The following AP1G1 variants were observed in gnomAD, a reference collection of about 807,000 sequenced individuals.
The protein encoded by AP1G1 is AP-1 complex subunit gamma-1.
A neutral mutation model predicts 108.3 loss-of-function variants in AP1G1; 7 were observed. The ratio of observed to expected loss-of-function variants is 0.06; its 90% CI spans 0.04 to 0.12. The LOEUF is 0.12. Among genes scored for constraint, AP1G1 ranks in the 10% least tolerant of loss-of-function variants. AP1G1 has a pLI of 1.00. For missense variants in AP1G1, 756 were observed against 1,010.7 expected (o/e 0.75, Z 3.42); for synonymous variants, 379 against 353.5 (o/e 1.07, Z -0.81).
rs1009254006 is a variant in AP1G1, at chr16:71,729,773, G to C, written c.*3285C>G. 6.6e-6 allele frequency: 1 copy of C among 152,558 alleles called. No homozygotes were observed. The allele number at this position is 152,558 out of a possible 1,614,324, so 9.5% of individuals were successfully genotyped here. A position where few individuals can be genotyped will look rare whatever the true frequency, so the allele number is the denominator to read the frequency against. On this transcript the variant is annotated 3_prime_UTR_variant, in exon 23 of 23. Coordinates refer to ENST00000299980, the MANE Select transcript of AP1G1 (RefSeq NM_001128.6). ...CCACTCTCCCAACTACAAAGTTCAT[G>C]AACACCCACTTTTTCCTCTCTAGTT...
At chr16:71,768,695 C>T (rs1189473759) in intron 6 of AP1G1, among the ~76,000 whole-genome samples, 1 of 149,896 alleles carries the variant, frequency 6.7e-6, no homozygotes, top group Non-Finnish European at 1.5e-5. Flanking sequence ...GCGGGTGGAT[C>T]ACGAGGTCAG....
Position 71,796,668 on chromosome 16 carries a change from T to C in AP1G1, c.-3-7186A>G, listed in dbSNP as rs559691423. On this transcript the variant is annotated intron_variant, in intron 1 of 22. Coordinates refer to ENST00000299980, the MANE Select transcript of AP1G1 (RefSeq NM_001128.6). Reference sequence around the variant, plus strand: ...ATAGGCTGTGGAATGTAGGATCACATTGAGATACCACCCCACCCTGTCTAG... The same window carrying C: ...ATAGGCTGTGGAATGTAGGATCACACTGAGATACCACCCCACCCTGTCTAG... Among the ~76,000 whole-genome samples, 3 of 152,300 alleles carry C rather than the reference T, an allele frequency of 2.0e-5. No individual in the cohort carries two copies. The South Asian group carries it at 6.2e-4, about 32-fold the overall frequency.
intron 17 of AP1G1, among the ~76,000 whole-genome samples, chr16:71,746,081 C>T (rs2030161083): frequency 6.6e-6 from 1 of 151,990 alleles, no homozygotes; most frequent in South Asian, 2.1e-4. Context: ...ATGATCTTGG[C>T]TCACTGAAAC....
rs1388677436 is a variant in AP1G1 at position 71,780,606 on chromosome 16, GA to G, written c.202-6015del. On this transcript the variant is annotated intron_variant, in intron 2 of 22. Coordinates refer to ENST00000299980, the MANE Select transcript of AP1G1 (RefSeq NM_001128.6). ...TAACAGGCCTGCAACTGATTGGGTA[GA>G]CCTTTTTAAAAGTCACCTTTATTTA... Among the ~76,000 whole-genome samples the G allele has an allele frequency of 2.6e-5, 4 of 151,382 alleles. No individual in the cohort carries two copies. In the East Asian group the frequency reaches 7.7e-4, roughly 29 times the overall value.
In AP1G1 at chr16:71,730,756, A is replaced by G. The variant is rs1457496965; in HGVS notation, c.*2302T>C. On this transcript the variant is annotated 3_prime_UTR_variant, in exon 23 of 23. Transcript: ENST00000299980. The stretch of plus-strand genomic sequence containing the variant: ...TCCAAAATCAATTCATATTCTACGC[A>G]GCACCCTTTGTGTTAAGGCCATGAT... 2 of 152,612 alleles carry G rather than the reference A, an allele frequency of 1.3e-5. No individual in the cohort carries two copies. 9.5% of individuals were successfully genotyped at this position (152,612 alleles called of 1,614,324 possible).
chr16:71,791,607 C>A (rs1246204861), intron 1 of AP1G1, among the ~76,000 whole-genome samples: 2 of 150,540 alleles, frequency 1.3e-5, no homozygotes, highest in Non-Finnish European at 2.9e-5. Context: ...ATAGCCTGAG[C>A]CCTAGAGGCT....
At chr16:71,807,413 A>G (rs769105950) in intron 1 of AP1G1, among the ~76,000 whole-genome samples, 1 of 152,264 alleles carries the variant, frequency 6.6e-6, no homozygotes, top group Non-Finnish European at 1.5e-5. Flanking sequence ...GCCTGGAGAC[A>G]GAGGGAGACT....
chr16:71,773,451 A>C (rs2031650485), intron 3 of AP1G1, 89 bp from the exon 4 acceptor site: 2 of 1,273,962 alleles, frequency 1.6e-6, no homozygotes, highest in East Asian at 5.2e-5. Flanking sequence ...ATGACTCAAG[A>C]TTTCTCCAAT....
chr16:71,746,751 A>G, intron 16 of AP1G1, 59 bp from the exon 17 acceptor site: 1 of 1,334,116 alleles, frequency 7.5e-7, no homozygotes, highest in East Asian at 2.3e-5. Context: ...AAATAAGCAG[A>G]GATAATGTTT....
At chr16:71,781,117 C>G (rs146526913) in intron 2 of AP1G1, among the ~76,000 whole-genome samples, 133 of 152,236 alleles carry the variant, frequency 8.7e-4, no homozygotes, top group African/African-American at 2.9e-3. Flanking sequence ...CATACCCAAC[C>G]TATTTCTTTT....
intron 6 of AP1G1, chr16:71,766,500 T>A (rs377709385): frequency 4.0e-5 from 18 of 449,552 alleles, no homozygotes; most frequent in Non-Finnish European, 8.3e-5. Context: ...ATAGGAACTT[T>A]TTATGTTTCC....
In AP1G1 at chr16:71,794,835, C is replaced by CTTTTCTTTTTTTTTTTT. The variant is rs2032522793; in HGVS notation, c.-3-5354_-3-5353insAAAAAAAAAAAAGAAAA. On this transcript the variant is annotated intron_variant, in intron 1 of 22. Transcript: ENST00000299980. ...TACCATTCTCAGGCCATGAGAAGTG[C>CTTTTCTTTTTTTTTTTT]TTTTTTTTTTTTTTTTTTTTTTTTT... Among the ~76,000 whole-genome samples the CTTTTCTTTTTTTTTTTT allele has an allele frequency of 4.9e-3, 196 of 39,658 alleles. 16 individuals are homozygous for CTTTTCTTTTTTTTTTTT. The highest frequency in any genetic ancestry group is 0.02 in the African/African-American group (189 of 9,548). The allele number at this position is 39,658 out of a possible 152,430, so 26.0% of individuals were successfully genotyped here. A position where few individuals can be genotyped will look rare whatever the true frequency, so the allele number is the denominator to read the frequency against.
chr16:71,791,233 A>G (rs2145529450), intron 1 of AP1G1, among the ~76,000 whole-genome samples: 1 of 151,082 alleles, frequency 6.6e-6, no homozygotes, highest in African/African-American at 2.4e-5. Flanking sequence ...AACAAAAAAA[A>G]AAAACAAAAA....
chr16:71,749,675 G>A (rs2030381250), intron 15 of AP1G1, among the ~76,000 whole-genome samples: 1 of 152,048 alleles, frequency 6.6e-6, no homozygotes. Flanking sequence ...GTCTTTTGTA[G>A]AGACAGAGTT....
chr16:71,746,464 G>C (rs1200834570), intron 17 of AP1G1, 124 bp downstream of exon 17: 1 of 535,348 alleles, frequency 1.9e-6, no homozygotes, highest in East Asian at 3.1e-5. Flanking sequence ...CAAGCAATTA[G>C]AACTAAATAG....
intron 1 of AP1G1, among the ~76,000 whole-genome samples, chr16:71,797,883 T>C (rs2032642610): frequency 6.6e-6 from 1 of 152,160 alleles, no homozygotes; most frequent in South Asian, 2.1e-4. Flanking sequence ...ATTCTGGATA[T>C]ACAAGGAGAG....
At chr16:71,750,670 C>T (rs2030445659) in intron 13 of AP1G1, among the ~76,000 whole-genome samples, 1 of 151,662 alleles carries the variant, frequency 6.6e-6, no homozygotes, top group Admixed American at 6.6e-5. Context: ...CCTGCCTCGG[C>T]CTCTCAAAGT....
intron 6 of AP1G1, among the ~76,000 whole-genome samples, chr16:71,769,267 G>C (rs560861851): frequency 6.6e-6 from 1 of 151,310 alleles, no homozygotes; most frequent in South Asian, 2.1e-4. Flanking sequence ...TGGGCAAAAA[G>C]AGCAAAACTA....
In AP1G1 at chr16:71,758,692, T is replaced by C. The variant is rs562409058; in HGVS notation, c.1088+116A>G. 1.7e-5 allele frequency: 11 copies of C among 646,226 alleles called. No homozygotes were observed. In the East Asian group the frequency reaches 2.2e-4, roughly 13 times the overall value. The allele number at this position is 646,226 out of a possible 1,614,324, so 40.0% of individuals were successfully genotyped here. On this transcript the variant is annotated intron_variant, in intron 11 of 22. Coordinates refer to ENST00000299980, the MANE Select transcript of AP1G1 (RefSeq NM_001128.6). Reference sequence around the variant, plus strand: ...TGAACACAATGACTAAATACATAAATGTCAACACTCTTGCTCTGAAAACAA... The same window carrying C: ...TGAACACAATGACTAAATACATAAACGTCAACACTCTTGCTCTGAAAACAA...
Sources: gnomAD v4.1 joint callset for allele counts (sites outside exome capture counted in the v4.1 genomes callset) on GRCh38, gnomAD v4.1.1 for gene constraint, MANE v1.5 for transcripts, NCBI Gene and HGNC (gene_info 2026-07-23, HGNC 2026-07-21) for gene names.